The following EVA1C variants were observed in gnomAD, a reference collection of about 807,000 sequenced individuals.
EVA1C encodes protein eva-1 homolog C.
Under a neutral mutation model 45.4 loss-of-function variants are expected in EVA1C, and 25 were observed. The ratio of observed to expected loss-of-function variants is 0.55; its 90% CI spans 0.40 to 0.77. EVA1C has a LOEUF of 0.77. EVA1C is among the 30% of genes least tolerant of loss of function. The probability of loss-of-function intolerance (pLI) is 0.00; values close to 1 mark genes in which losing one functional copy is unlikely to be tolerated. For synonymous variants in EVA1C, 190 were observed against 221.2 expected (o/e 0.86, Z 1.25); for missense variants, 479 against 554.8 (o/e 0.86, Z 1.37).
intron 1 of EVA1C, among the ~76,000 whole-genome samples, chr21:32,430,160 A>G (rs2146152634): frequency 6.6e-6 from 1 of 152,296 alleles, no homozygotes; most frequent in Non-Finnish European, 1.5e-5. Context: ...CAGGTCAAGC[A>G]TGCCTCACAA....
In EVA1C at chr21:32,488,355, T is replaced by A. The variant is rs145073559; in HGVS notation, c.635-6672T>A. ...CTGGGTCATATAGTAGCTCTATTTTTAATTTCTTTAGGAACCTTCATGCTC... is the reference window on the plus strand; with the variant it reads ...CTGGGTCATATAGTAGCTCTATTTTAAATTTCTTTAGGAACCTTCATGCTC... On this transcript the variant is annotated intron_variant, in intron 4 of 7. Coordinates refer to ENST00000300255, the MANE Select transcript of EVA1C (RefSeq NM_058187.5). 6.2e-3 allele frequency among the ~76,000 whole-genome samples: 951 copies of A among 152,342 alleles called. 6 individuals carry two copies. The highest frequency in any genetic ancestry group is 0.027 in the Middle Eastern group (8 of 294).
At chr21:32,412,698 G>T (rs1043400169), upstream of EVA1C, 6 of 689,444 alleles carry the variant, frequency 8.7e-6, no homozygotes, top group South Asian at 2.1e-4. Context: ...GGGCTGGCCC[G>T]CGCAGGGGAG....
Position 32,412,887 on chromosome 21 carries a change from A to G in EVA1C, c.34A>G (p.Thr12Ala). 6.6e-7 allele frequency: 1 copy of G among 1,503,868 alleles called. No individual in the cohort carries two copies. The highest frequency in any genetic ancestry group is 8.8e-7 in the Non-Finnish European group (1 of 1,131,432). The allele number at this position is 1,503,868 out of a possible 1,614,324, so 93.2% of individuals were successfully genotyped here. Reference sequence around the variant, plus strand: ...GCCGGGACGCGCACGCCAACCGCCGACGCCCCAGCCCGTGCAGCATCCCGG... The same window carrying G: ...GCCGGGACGCGCACGCCAACCGCCGGCGCCCCAGCCCGTGCAGCATCCCGG... ...LLPGRARQPP[T>A]PQPVQHPGLR... The change falls in exon 1 of 8, where the codon ACG becomes GCG. Residue 12 changes from threonine to alanine, a missense_variant. Transcript: ENST00000300255.
At chr21:32,484,050 T>C (rs931522804) in intron 4 of EVA1C, among the ~76,000 whole-genome samples, 1 of 151,926 alleles carries the variant, frequency 6.6e-6, no homozygotes, top group Admixed American at 6.6e-5. Context: ...ACTTTCCAAT[T>C]TTTTAGTGGT....
chr21:32,456,648 C>T (rs542324974), intron 2 of EVA1C, among the ~76,000 whole-genome samples: 1 of 152,334 alleles, frequency 6.6e-6, no homozygotes, highest in East Asian at 1.9e-4. Flanking sequence ...CGTGTCTGCA[C>T]TAAATTCAGA....
intron 1 of EVA1C, among the ~76,000 whole-genome samples, chr21:32,421,257 C>G (rs1195613653): frequency 1.3e-5 from 2 of 152,148 alleles, no homozygotes; most frequent in Non-Finnish European, 2.9e-5. Context: ...ATGGTCTTGA[C>G]AACGAAGATT....
chr21:32,466,348 G>C (rs1389124084), intron 3 of EVA1C, among the ~76,000 whole-genome samples: 1 of 151,572 alleles, frequency 6.6e-6, no homozygotes, highest in African/African-American at 2.4e-5. Context: ...GAACCTGGGA[G>C]GCAGAGCTTG....
intron 1 of EVA1C, among the ~76,000 whole-genome samples, chr21:32,439,288 G>T (rs2035085046): frequency 6.6e-6 from 1 of 150,926 alleles, no homozygotes; most frequent in African/African-American, 2.5e-5. Flanking sequence ...AGCAAAGGAA[G>T]GATGAAGGGG....
intron 3 of EVA1C, 71 bp downstream of exon 3, chr21:32,457,791 T>G (rs1783315654): frequency 2.5e-6 from 4 of 1,577,918 alleles, no homozygotes; most frequent in African/African-American, 1.3e-5. Context: ...CTGGTCAAAA[T>G]TCTCTGCCCG....
intron 1 of EVA1C, among the ~76,000 whole-genome samples, chr21:32,451,187 A>T (rs1004204183): frequency 6.6e-6 from 1 of 151,942 alleles, no homozygotes; most frequent in Non-Finnish European, 1.5e-5. Flanking sequence ...GGATTTTGAA[A>T]CCTAAACAGG....
At chr21:32,415,297 G>A (rs2033990804) in intron 1 of EVA1C, among the ~76,000 whole-genome samples, 1 of 152,116 alleles carries the variant, frequency 6.6e-6, no homozygotes, top group African/African-American at 2.4e-5. Context: ...GCAGATACTT[G>A]CCTGTTTTTC....
chr21:32,473,862 T>C, intron 4 of EVA1C: 1 of 965,410 alleles, frequency 1.0e-6, no homozygotes, highest in Non-Finnish European at 1.2e-6. Context: ...CATGTGAGGC[T>C]GAGGGCCAGA....
At chr21:32,441,220 G>A (rs2035162642) in intron 1 of EVA1C, among the ~76,000 whole-genome samples, 2 of 152,174 alleles carry the variant, frequency 1.3e-5, no homozygotes, top group South Asian at 4.1e-4. Context: ...TCCCAAAGGG[G>A]AGAAACAGGC....
At chr21:32,465,427 G>A (rs574683089) in intron 3 of EVA1C, among the ~76,000 whole-genome samples, 1 of 152,260 alleles carries the variant, frequency 6.6e-6, no homozygotes, top group African/African-American at 2.4e-5. Flanking sequence ...TGCAGTTAAC[G>A]CCAATGCTTG....
At chr21:32,443,949 G>T (rs1202811478) in intron 1 of EVA1C, among the ~76,000 whole-genome samples, 1 of 151,666 alleles carries the variant, frequency 6.6e-6, no homozygotes, top group Non-Finnish European at 1.5e-5. Context: ...GGAATCAAAG[G>T]TCTCTTATCC....
intron 3 of EVA1C, among the ~76,000 whole-genome samples, chr21:32,466,398 G>A (rs1433297154): frequency 7.3e-4 from 104 of 142,124 alleles, no homozygotes; most frequent in Admixed American, 2.7e-3. Flanking sequence ...CAGCCTGGGC[G>A]ACAGAGCGAG....
intron 7 of EVA1C, among the ~76,000 whole-genome samples, chr21:32,505,752 G>T (rs1169548127): frequency 1.3e-5 from 2 of 152,186 alleles, no homozygotes; most frequent in African/African-American, 4.8e-5. Flanking sequence ...GGCAGAGAGG[G>T]GGAGAGACAG....
chr21:32,477,390 T>A (rs2036604896), intron 4 of EVA1C, among the ~76,000 whole-genome samples: 1 of 152,130 alleles, frequency 6.6e-6, no homozygotes, highest in African/African-American at 2.4e-5. Context: ...GTAAAATACC[T>A]CCAAGTTTAA....
intron 6 of EVA1C, among the ~76,000 whole-genome samples, chr21:32,502,974 C>A (rs2037606953): frequency 6.6e-6 from 1 of 152,178 alleles, no homozygotes; most frequent in Non-Finnish European, 1.5e-5. Context: ...CCATAAACAG[C>A]CTGGTCCCCC....
Sources: allele counts gnomAD v4.1 joint callset (sites outside exome capture counted in the v4.1 genomes callset), GRCh38; gene constraint gnomAD v4.1.1; transcripts MANE v1.5; gene names NCBI Gene and HGNC (gene_info 2026-07-23, HGNC 2026-07-21).